DISP1: variants seen among roughly 807,000 people sequenced by gnomAD.
DISP1 encodes the protein dispatched RND transporter family member 1.
Under a neutral mutation model 37.3 loss-of-function variants are expected in DISP1, and 30 were observed. The observed-to-expected ratio is 0.80, with a 90% confidence interval of 0.60 to 1.09. DISP1 has a LOEUF of 1.09. Ranked by LOEUF, DISP1 falls within the 50% of genes least tolerant of loss-of-function variation. DISP1 has a pLI of 0.00. For synonymous variants in DISP1, 634 were observed against 690.2 expected (o/e 0.92, Z 1.28); for missense variants, 1,598 against 1,879.5 (o/e 0.85, Z 2.77).
intron 8 of DISP1, among the ~76,000 whole-genome samples, chr1:222,996,288 T>C (rs944976599): frequency 2.0e-5 from 3 of 152,242 alleles, no homozygotes; most frequent in African/African-American, 7.2e-5. Flanking sequence ...GAAAATTAAC[T>C]CTAAAGTTGT....
intron 1 of DISP1, among the ~76,000 whole-genome samples, chr1:222,837,717 T>C (rs1447041302): frequency 6.6e-6 from 1 of 152,152 alleles, no homozygotes; most frequent in Non-Finnish European, 1.5e-5. Flanking sequence ...ATGTCATTCG[T>C]AATAGTAACC....
intron 3 of DISP1, among the ~76,000 whole-genome samples, chr1:222,944,015 A>C (rs969643479): frequency 1.2e-4 from 19 of 152,232 alleles, no homozygotes; most frequent in Admixed American, 9.8e-4. Flanking sequence ...GGGCAACAAG[A>C]GTGAAACTCA....
intron 3 of DISP1, among the ~76,000 whole-genome samples, chr1:222,965,861 C>T (rs2102616319): frequency 6.6e-6 from 1 of 152,082 alleles, no homozygotes; most frequent in African/African-American, 2.4e-5. Context: ...ACAGTGAGAC[C>T]TCGTCTCTTA....
intron 3 of DISP1, among the ~76,000 whole-genome samples, chr1:222,945,055 A>G (rs1201775081): frequency 6.6e-6 from 1 of 152,216 alleles, no homozygotes; most frequent in Non-Finnish European, 1.5e-5. Flanking sequence ...AAAGGGATTA[A>G]GTGATAAATA....
Position 222,990,758 on chromosome 1 carries a change from T to G in DISP1, c.663+10T>G, listed in dbSNP as rs368519236. The G allele has an allele frequency of 4.3e-6, 7 of 1,613,742 alleles. No homozygotes were observed. The African/African-American group carries it at 8.0e-5, about 18-fold the overall frequency. ...CTCTGATCCATTGCTGGTAACTAACTTTTATGTTTTCTTTAGCCTAAAATC... is the reference window on the plus strand; with the variant it reads ...CTCTGATCCATTGCTGGTAACTAACGTTTATGTTTTCTTTAGCCTAAAATC... On this transcript the variant is annotated intron_variant, in intron 5 of 8. Transcript: ENST00000675850.
intron 3 of DISP1, among the ~76,000 whole-genome samples, chr1:222,957,780 A>G (rs1005329558): frequency 2.0e-5 from 3 of 152,092 alleles, no homozygotes; most frequent in Admixed American, 6.5e-5. Context: ...AGATAACACA[A>G]TTCCTTTCTT....
At chr1:222,977,051 C>T (rs149551470) in intron 3 of DISP1, among the ~76,000 whole-genome samples, 143 of 152,142 alleles carry the variant, frequency 9.4e-4, no homozygotes, top group South Asian at 4.2e-3. Flanking sequence ...TTTTTTGAGA[C>T]GGAGTTTCGC....
intron 3 of DISP1, among the ~76,000 whole-genome samples, chr1:222,972,556 T>C (rs1229700203): frequency 6.6e-6 from 1 of 152,198 alleles, no homozygotes; most frequent in African/African-American, 2.4e-5. Flanking sequence ...TCACTAGTCC[T>C]TCATAGTAAA....
chr1:222,847,512 T>C (rs576305363), intron 1 of DISP1, among the ~76,000 whole-genome samples: 2 of 152,338 alleles, frequency 1.3e-5, no homozygotes, highest in East Asian at 3.9e-4. Flanking sequence ...AGTACACATA[T>C]ATCCATATTT....
intron 1 of DISP1, among the ~76,000 whole-genome samples, chr1:222,868,696 T>C (rs1669342435): frequency 6.6e-6 from 1 of 152,154 alleles, no homozygotes; most frequent in Non-Finnish European, 1.5e-5. Context: ...ACAGATGATC[T>C]GACTGTGAAT....
chr1:222,875,144 G>A (rs1217213702), intron 1 of DISP1, among the ~76,000 whole-genome samples: 5 of 151,988 alleles, frequency 3.3e-5, no homozygotes, highest in South Asian at 4.2e-4. Flanking sequence ...AGTCATTTAG[G>A]TTGGGCCTTA....
At position 223,005,018 on chromosome 1, in the gene DISP1, G is replaced by A. The variant is rs776465037; in HGVS notation, c.3621G>A (p.Lys1207=). 6.2e-6 allele frequency: 10 copies of A among 1,614,178 alleles called. 1 individual carries two copies. In the South Asian group the frequency reaches 1.1e-4, roughly 18 times the overall value. The part of the protein sequence containing the change: ...LASHSCTAPE[K]TTYEETHICS... ...CCCACAGCTGCACTGCCCCTGAGAA[G>A]ACCACTTATGAAGAGACCCACATCT... Residue 1207 remains lysine (K), a synonymous_variant, in exon 9 of 9, where the codon AAG becomes AAA. Transcript: ENST00000675850.
At chr1:222,981,029 G>T (rs1677796834) in intron 3 of DISP1, among the ~76,000 whole-genome samples, 1 of 152,270 alleles carries the variant, frequency 6.6e-6, no homozygotes, top group Non-Finnish European at 1.5e-5. Flanking sequence ...AGTGAGCCGA[G>T]ATCGTGCCAC....
At chr1:222,938,371 A>G (rs528102774) in intron 2 of DISP1, among the ~76,000 whole-genome samples, 109 of 152,096 alleles carry the variant, frequency 7.2e-4, no homozygotes, top group Admixed American at 1.2e-3. Context: ...CCTCTATCTT[A>G]TTCTTCTTTC....
At chr1:222,843,561 G>GA (rs926024244) in intron 1 of DISP1, among the ~76,000 whole-genome samples, 5 of 142,204 alleles carry the variant, frequency 3.5e-5, no homozygotes, top group African/African-American at 1.2e-4. Flanking sequence ...TCTAATGAAG[G>GA]ATGGGGGGGG....
At chr1:222,945,964 T>C (rs971263962) in intron 3 of DISP1, 11 of 152,168 alleles carry the variant, frequency 7.2e-5, no homozygotes, top group Non-Finnish European at 1.6e-4. Context: ...AAAACACTCA[T>C]ACTTAATTTG....
intron 1 of DISP1, among the ~76,000 whole-genome samples, chr1:222,877,075 C>A (rs1221534123): frequency 2.6e-5 from 4 of 152,166 alleles, no homozygotes; most frequent in African/African-American, 9.7e-5. Flanking sequence ...TCTGTCTCTG[C>A]TTCTTCGTGA....
chr1:222,898,270 G>A (rs1671380266), intron 1 of DISP1, among the ~76,000 whole-genome samples: 1 of 152,056 alleles, frequency 6.6e-6, no homozygotes, highest in South Asian at 2.1e-4. Context: ...TTTCAGAAGT[G>A]GTAAATAGAA....
intron 8 of DISP1, among the ~76,000 whole-genome samples, chr1:222,996,136 C>T (rs915776928): frequency 3.3e-5 from 5 of 152,172 alleles, no homozygotes; most frequent in East Asian, 1.9e-4. Flanking sequence ...AAGCCACAAA[C>T]GATCTATAAA....
Sources: allele counts gnomAD v4.1 joint callset (sites outside exome capture counted in the v4.1 genomes callset), GRCh38; gene constraint gnomAD v4.1.1; transcripts MANE v1.5; gene names NCBI Gene and HGNC (gene_info 2026-07-23, HGNC 2026-07-21).